Variants in PTPRN2 observed in about 807,000 individuals in gnomAD.
The protein encoded by PTPRN2 is receptor-type tyrosine-protein phosphatase N2.
A neutral mutation model predicts 118.8 loss-of-function variants in PTPRN2; 74 were observed. The ratio of observed to expected loss-of-function variants is 0.62; its 90% CI spans 0.52 to 0.76. PTPRN2 has a LOEUF of 0.76. Among genes scored for constraint, PTPRN2 ranks in the 30% least tolerant of loss-of-function variants. The pLI, the probability that PTPRN2 is intolerant of heterozygous loss-of-function variation, is 0.00. For missense variants in PTPRN2, 1,481 were observed against 1,394.4 expected (o/e 1.06, Z -0.99); for synonymous variants, 641 against 608.0 (o/e 1.05, Z -0.80).
At chr7:158,112,612 G>A (rs1816376249) in intron 9 of PTPRN2, among the ~76,000 whole-genome samples, 1 of 152,230 alleles carries the variant, frequency 6.6e-6, no homozygotes, top group Non-Finnish European at 1.5e-5. Context: ...GCTGGGAGTG[G>A]TGCTGACAGA....
chr7:157,646,562 C>T (rs901102825), intron 14 of PTPRN2, among the ~76,000 whole-genome samples: 2 of 152,192 alleles, frequency 1.3e-5, no homozygotes, highest in African/African-American at 4.8e-5. Flanking sequence ...GCCTAACACA[C>T]CTGTCTAATG....
At chr7:158,460,629 G>T (rs1818916945) in intron 2 of PTPRN2, among the ~76,000 whole-genome samples, 1 of 152,244 alleles carries the variant, frequency 6.6e-6, no homozygotes, top group Admixed American at 6.5e-5. Flanking sequence ...AGCACAGGAG[G>T]GTCATCCAGC....
At chr7:157,965,374 G>T (rs1038269442) in intron 11 of PTPRN2, among the ~76,000 whole-genome samples, 27 of 152,174 alleles carry the variant, frequency 1.8e-4, no homozygotes, top group Admixed American at 5.9e-4. Flanking sequence ...CAGGGTTCCT[G>T]GCTTGGACTG....
intron 2 of PTPRN2, among the ~76,000 whole-genome samples, chr7:158,445,679 C>G (rs1299786559): frequency 6.6e-6 from 1 of 152,260 alleles, no homozygotes; most frequent in African/African-American, 2.4e-5. Context: ...ATCAAGGGAA[C>G]AGCTTCCTGC....
At chr7:157,542,123 CCTGTGGGGGCAGGG>C (rs925701113) in intron 22 of PTPRN2, among the ~76,000 whole-genome samples, 2 of 152,176 alleles carry the variant, frequency 1.3e-5, no homozygotes, top group African/African-American at 4.8e-5. Flanking sequence ...GGGAGCTGCC[CCTGTGGGGGCAGGG>C]GCTCAGGTCG....
At chr7:158,388,245 G>A (rs545903962) in intron 2 of PTPRN2, among the ~76,000 whole-genome samples, 9 of 152,194 alleles carry the variant, frequency 5.9e-5, no homozygotes, top group African/African-American at 9.6e-5. Flanking sequence ...CATCCTCCAC[G>A]GGAAGCCACG....
intron 11 of PTPRN2, among the ~76,000 whole-genome samples, chr7:158,071,460 G>A (rs1363067457): frequency 7.5e-5 from 10 of 133,348 alleles, no homozygotes; most frequent in African/African-American, 2.1e-4. Flanking sequence ...CGTGGTTGAG[G>A]TGCTCGTGGT....
Position 157,763,819 on chromosome 7 carries a change from G to A in PTPRN2, c.1789-80882C>T, listed in dbSNP as rs1217892156. Among the ~76,000 whole-genome samples, 2 of 152,076 alleles carry A rather than the reference G, an allele frequency of 1.3e-5. No homozygotes were observed. The highest frequency in any genetic ancestry group is 2.1e-4 in the South Asian group (1 of 4,822). ...ACCGGGCAGGGTTAGGGGCTGCTGGGCCTCTGCTGTGTGGCCACTGCCCCA... is the reference window on the plus strand; with the variant it reads ...ACCGGGCAGGGTTAGGGGCTGCTGGACCTCTGCTGTGTGGCCACTGCCCCA... On this transcript the variant is annotated intron_variant, in intron 12 of 22. Coordinates refer to ENST00000389418, the MANE Select transcript of PTPRN2 (RefSeq NM_002847.5). This position sits in a 1 kb window ranked among gnomAD's most constrained non-coding sequence, Gnocchi z 4.9.
chr7:158,138,587 G>T, intron 6 of PTPRN2, 72 bp from the exon 7 acceptor site: 1 of 1,419,846 alleles, frequency 7.0e-7, no homozygotes, highest in Non-Finnish European at 9.7e-7. Flanking sequence ...CCAGACCATA[G>T]GGGTGTGGTG....
At chr7:158,092,306 G>T (rs1814256761) in intron 10 of PTPRN2, among the ~76,000 whole-genome samples, 1 of 146,858 alleles carries the variant, frequency 6.8e-6, no homozygotes, top group African/African-American at 2.5e-5. Flanking sequence ...AGGTGAGTGG[G>T]TGGGAGGGAG....
At chr7:157,624,475 G>A (rs916341566) in intron 14 of PTPRN2, among the ~76,000 whole-genome samples, 7 of 151,320 alleles carry the variant, frequency 4.6e-5, no homozygotes, top group African/African-American at 1.7e-4. Flanking sequence ...TCACAGCTGA[G>A]CCTAGCCTGC....
At chr7:158,338,751 A>G (rs1266458940) in intron 2 of PTPRN2, among the ~76,000 whole-genome samples, 28 of 8,586 alleles carry the variant, frequency 3.3e-3, no homozygotes, top group African/African-American at 6.2e-3. Context: ...GACACCTGCA[A>G]ACGTCACTCA....
chr7:157,956,938 A>G, intron 11 of PTPRN2, among the ~76,000 whole-genome samples: 1 of 152,254 alleles, frequency 6.6e-6, no homozygotes, highest in Non-Finnish European at 1.5e-5. Context: ...TGCCTGGCTC[A>G]TGCCACTATG....
intron 6 of PTPRN2, among the ~76,000 whole-genome samples, chr7:158,145,152 A>C (rs909387352): frequency 1.3e-5 from 2 of 151,846 alleles, no homozygotes; most frequent in African/African-American, 4.8e-5. Flanking sequence ...ACGGCTCGGC[A>C]AGACTTCCCT....
intron 11 of PTPRN2, among the ~76,000 whole-genome samples, chr7:158,074,324 G>T (rs535468535): frequency 1.3e-5 from 2 of 152,140 alleles, no homozygotes; most frequent in Non-Finnish European, 2.9e-5. Context: ...AGACCCCCTC[G>T]GCAGCTTCCC....
intron 11 of PTPRN2, among the ~76,000 whole-genome samples, chr7:157,926,234 A>G (rs147966038): frequency 6.6e-6 from 1 of 152,152 alleles, no homozygotes; most frequent in Non-Finnish European, 1.5e-5. Context: ...ATCTACCACT[A>G]AACCAGAGCC....
intron 10 of PTPRN2, among the ~76,000 whole-genome samples, chr7:158,100,244 G>GGGGT (rs373973826): frequency 4.1e-5 from 6 of 147,316 alleles, no homozygotes; most frequent in Admixed American, 1.4e-4. Flanking sequence ...TATTCCATGG[G>GGGGT]GTGTGTGTGT....
intron 11 of PTPRN2, among the ~76,000 whole-genome samples, chr7:158,041,633 G>A (rs977644079): frequency 6.6e-6 from 1 of 152,094 alleles, no homozygotes; most frequent in Non-Finnish European, 1.5e-5. Flanking sequence ...CTAAGCAAGA[G>A]AGAGGGACTA....
At chr7:157,643,890 G>A (rs1346643079) in intron 14 of PTPRN2, among the ~76,000 whole-genome samples, 2 of 152,236 alleles carry the variant, frequency 1.3e-5, no homozygotes, top group Non-Finnish European at 2.9e-5. Flanking sequence ...TGACAGCCCA[G>A]GGCCCAGACA....
Sources: gnomAD v4.1 joint callset for allele counts (sites outside exome capture counted in the v4.1 genomes callset) on GRCh38, gnomAD v4.1.1 for gene constraint, Gnocchi (gnomAD v3.1) non-coding constraint, MANE v1.5 for transcripts, NCBI Gene and HGNC (gene_info 2026-07-23, HGNC 2026-07-21) for gene names.